The following SNX25 variants were observed in gnomAD, a reference collection of about 807,000 sequenced individuals.
SNX25 encodes the protein sorting nexin 25.
A neutral mutation model predicts 113.7 loss-of-function variants in SNX25; 62 were observed. The ratio of observed to expected loss-of-function variants is 0.55; its 90% CI spans 0.44 to 0.67. The LOEUF is 0.67. Among genes scored for constraint, SNX25 ranks in the 30% least tolerant of loss-of-function variants. The pLI is 0.00. For missense variants in SNX25, 1,014 were observed against 1,161.0 expected, an observed-to-expected ratio of 0.87 and a Z score of 1.84; for synonymous variants, 421 against 436.2, an observed-to-expected ratio of 0.97 and a Z score of 0.43.
chr4:185,371,342 A>G (rs187850009), downstream of SNX25, among the ~76,000 whole-genome samples: 32 of 152,186 alleles, frequency 2.1e-4, no homozygotes, highest in Non-Finnish European at 4.0e-4. Context: ...GATTGAGACC[A>G]TCCTGGCTAA....
intron 2 of SNX25, among the ~76,000 whole-genome samples, chr4:185,255,882 C>A (rs947598651): frequency 2.6e-5 from 4 of 152,214 alleles, no homozygotes; most frequent in South Asian, 4.1e-4. Context: ...ATTATAGGAT[C>A]AACCCATTCC....
chr4:185,376,279 C>A, the SNX25 span, among the ~76,000 whole-genome samples: 2 of 151,980 alleles, frequency 1.3e-5, no homozygotes, highest in African/African-American at 4.8e-5. Context: ...CCTGGTAATA[C>A]AAACATACTT....
intron 9 of SNX25, among the ~76,000 whole-genome samples, chr4:185,324,706 C>G (rs904081394): frequency 6.6e-6 from 1 of 152,040 alleles, no homozygotes; most frequent in Non-Finnish European, 1.5e-5. Flanking sequence ...GGCTGATGCC[C>G]TTTGGATTTA....
chr4:185,242,245 G>A (rs914817804), intron 1 of SNX25, among the ~76,000 whole-genome samples: 1 of 152,068 alleles, frequency 6.6e-6, no homozygotes, highest in Non-Finnish European at 1.5e-5. Flanking sequence ...AATGTGTGGG[G>A]TTTTTTTCCC....
At chr4:185,288,896 A>G (rs1751754394) in intron 6 of SNX25, among the ~76,000 whole-genome samples, 1 of 152,230 alleles carries the variant, frequency 6.6e-6, no homozygotes, top group Non-Finnish European at 1.5e-5. Flanking sequence ...AAAAACCTCC[A>G]GGCCTGCTCA....
chr4:185,205,449 G>C (rs111518966), upstream of SNX25, among the ~76,000 whole-genome samples: 31 of 124,948 alleles, frequency 2.5e-4, no homozygotes, highest in Admixed American at 2.6e-3. Flanking sequence ...GTAAGACTGT[G>C]TCTCAAAAAA....
chr4:185,205,471 G>T (rs777395400), upstream of SNX25, among the ~76,000 whole-genome samples: 1 of 151,548 alleles, frequency 6.6e-6, no homozygotes, highest in Non-Finnish European at 1.5e-5. Context: ...AAAAAAGCAA[G>T]AATTTCACTT....
At chr4:185,305,605 A>G (rs925152209) in intron 6 of SNX25, among the ~76,000 whole-genome samples, 1 of 152,194 alleles carries the variant, frequency 6.6e-6, no homozygotes, top group Non-Finnish European at 1.5e-5. Flanking sequence ...GAATTATATC[A>G]TGGGCAGGGG....
chr4:185,280,088 C>T (rs1458418531), intron 5 of SNX25, among the ~76,000 whole-genome samples: 1 of 152,174 alleles, frequency 6.6e-6, no homozygotes, highest in East Asian at 1.9e-4. Context: ...TGCCACCACG[C>T]CAGGATAATT....
chr4:185,221,891 A>C (rs1187386832), intron 1 of SNX25, among the ~76,000 whole-genome samples: 10 of 151,978 alleles, frequency 6.6e-5, no homozygotes, highest in Admixed American at 2.0e-4. Flanking sequence ...CCTATCTTTC[A>C]ACTTACATAT....
At chr4:185,276,291 A>T (rs1056772770) in intron 5 of SNX25, among the ~76,000 whole-genome samples, 3 of 152,192 alleles carry the variant, frequency 2.0e-5, no homozygotes, top group Non-Finnish European at 2.9e-5. Context: ...CCACCACTGT[A>T]GTTGTTGTTA....
intron 1 of SNX25, among the ~76,000 whole-genome samples, chr4:185,239,276 G>C (rs939812318): frequency 1.5e-4 from 22 of 148,144 alleles, no homozygotes; most frequent in Non-Finnish European, 2.7e-4. Context: ...GAGGTCAGGA[G>C]ATCGAGACCA....
At chr4:185,274,958 C>T (rs940114052) in intron 5 of SNX25, among the ~76,000 whole-genome samples, 2 of 152,118 alleles carry the variant, frequency 1.3e-5, no homozygotes, top group Non-Finnish European at 2.9e-5. Flanking sequence ...GGGCAGAAAA[C>T]AGCAGTGACA....
intron 6 of SNX25, among the ~76,000 whole-genome samples, chr4:185,300,484 A>G (rs986090804): frequency 6.6e-6 from 1 of 151,706 alleles, no homozygotes; most frequent in Non-Finnish European, 1.5e-5. Context: ...TCTTTTTTTA[A>G]TGATGTTATG....
intron 5 of SNX25, among the ~76,000 whole-genome samples, chr4:185,272,633 A>G (rs1164360740): frequency 6.6e-6 from 1 of 152,184 alleles, no homozygotes; most frequent in African/African-American, 2.4e-5. Context: ...GTAACGTGCA[A>G]CTAATATTGA....
intron 1 of SNX25, among the ~76,000 whole-genome samples, chr4:185,231,445 C>A (rs542484598): frequency 1.3e-5 from 2 of 151,698 alleles, no homozygotes; most frequent in African/African-American, 2.4e-5. Context: ...CGCGGTGGCT[C>A]ACACCTGTAA....
At chr4:185,320,989 G>A in intron 8 of SNX25, 125 bp downstream of exon 8, 1 of 766,908 alleles carries the variant, frequency 1.3e-6, no homozygotes, top group East Asian at 3.2e-5. Flanking sequence ...ATATAATACT[G>A]ACATTATGTT....
At chr4:185,254,955 T>G (rs1268809893) in intron 2 of SNX25, among the ~76,000 whole-genome samples, 2 of 152,158 alleles carry the variant, frequency 1.3e-5, no homozygotes, top group Non-Finnish European at 2.9e-5. Context: ...AGTTGGCGTC[T>G]TGACCTTGAA....
At chr4:185,246,449 A>G (rs191052685) in intron 1 of SNX25, among the ~76,000 whole-genome samples, 1 of 152,254 alleles carries the variant, frequency 6.6e-6, no homozygotes, top group East Asian at 1.9e-4. Flanking sequence ...GTCTGATGGT[A>G]TCTCATTGCT....
Sources: gnomAD v4.1 joint callset for allele counts (sites outside exome capture counted in the v4.1 genomes callset) on GRCh38, gnomAD v4.1.1 for gene constraint, MANE v1.5 for transcripts, NCBI Gene and HGNC (gene_info 2026-07-23, HGNC 2026-07-21) for gene names.